Variants in LINGO1 observed in about 807,000 individuals in gnomAD.
LINGO1 encodes the protein leucine rich repeat and Ig domain containing 1.
In LINGO1, 11 loss-of-function variants were observed where a neutral mutation model predicts 37.3. The observed-to-expected ratio is 0.29, with a 90% CI of 0.19 to 0.49. The LOEUF is 0.49. Ranked by LOEUF, LINGO1 falls within the 20% of genes least tolerant of loss-of-function variation. LINGO1 has a pLI of 0.99. For missense variants in LINGO1, 585 were observed against 878.2 expected (o/e 0.67, Z 4.22); for synonymous variants, 387 against 403.0 (o/e 0.96, Z 0.48).
intron 2 of LINGO1, among the ~76,000 whole-genome samples, chr15:77,717,615 G>A (rs951001766): frequency 2.7e-5 from 4 of 150,856 alleles, no homozygotes; most frequent in African/African-American, 9.7e-5. Flanking sequence ...ATGGCAAGGA[G>A]AGGCAGACAG....
intron 1 of LINGO1, among the ~76,000 whole-genome samples, chr15:77,752,922 C>T (rs2076385948): frequency 6.6e-6 from 1 of 152,252 alleles, no homozygotes; most frequent in Non-Finnish European, 1.5e-5. Flanking sequence ...TTCCCCCTCC[C>T]TTCTGCCTCT....
At chr15:77,716,728 T>G (rs1252056824) in intron 2 of LINGO1, among the ~76,000 whole-genome samples, 1 of 150,242 alleles carries the variant, frequency 6.7e-6, no homozygotes, top group Non-Finnish European at 1.5e-5. Flanking sequence ...ACTGTCCACC[T>G]CCACTACCAA....
intron 1 of LINGO1, among the ~76,000 whole-genome samples, chr15:77,740,772 T>C (rs1049201544): frequency 4.6e-5 from 7 of 152,256 alleles, no homozygotes; most frequent in Admixed American, 3.3e-4. Context: ...AGAAAAGACC[T>C]GCAGAGGTGG....
chr15:77,654,929 C>G (rs983749866), intron 3 of LINGO1, among the ~76,000 whole-genome samples: 1 of 152,200 alleles, frequency 6.6e-6, no homozygotes, highest in Non-Finnish European at 1.5e-5. Context: ...ATGCTCCACG[C>G]CCCCGCCCTT....
intron 2 of LINGO1, among the ~76,000 whole-genome samples, chr15:77,677,440 A>C (rs1423556040): frequency 6.6e-6 from 1 of 152,030 alleles, no homozygotes; most frequent in Non-Finnish European, 1.5e-5. Context: ...CTAAGCCCCT[A>C]AACTTCTCAC....
upstream of LINGO1, among the ~76,000 whole-genome samples, chr15:77,697,731 G>C (rs1304885991): frequency 1.3e-5 from 2 of 152,196 alleles, no homozygotes; most frequent in African/African-American, 4.8e-5. Context: ...AGGGGCTGTG[G>C]AAACAGGGTA....
intron 1 of LINGO1, among the ~76,000 whole-genome samples, chr15:77,817,488 C>T (rs113673032): frequency 1.7e-4 from 26 of 152,148 alleles, no homozygotes; most frequent in Non-Finnish European, 2.6e-4. Flanking sequence ...TGGTAGTGAA[C>T]TCCCAGAGCT....
chr15:77,718,170 G>A lies in LINGO1; in HGVS notation c.-195+16822C>T, dbSNP rs142739101. 1.6e-3 allele frequency among the ~76,000 whole-genome samples: 247 copies of A among 150,952 alleles called. 3 individuals carry two copies. The highest frequency in any genetic ancestry group is 5.8e-3 in the African/African-American group (239 of 41,498). The stretch of plus-strand genomic sequence containing the variant: ...CACCTAGGGAGCCACCTTCTTCCAG[G>A]GCCCACGGAGGGGTCTTGCCGTGGC... On this transcript the variant is annotated intron_variant, in intron 2 of 3. Transcript: ENST00000561686.
At chr15:77,702,956 GAC>G (rs1479613026) in intron 2 of LINGO1, among the ~76,000 whole-genome samples, 23 of 152,312 alleles carry the variant, frequency 1.5e-4, no homozygotes, top group African/African-American at 4.8e-4. Flanking sequence ...TTCTTTCTGT[GAC>G]ACAGTCCGGC....
In LINGO1 at chr15:77,720,180, A is replaced by T. The variant is rs150064757; in HGVS notation, c.-195+14812T>A. ...CACTCCAATACCGATCCTGGCCCTG[A>T]CACCTCAGTCCCCCACATGTAATTT... On this transcript the variant is annotated intron_variant, in intron 2 of 3. Coordinates refer to the LINGO1 transcript ENST00000561686. 1.5e-3 allele frequency among the ~76,000 whole-genome samples: 208 copies of T among 134,658 alleles called. 5 individuals are homozygous for T. The highest frequency in any genetic ancestry group is 5.1e-3 in the African/African-American group (204 of 40,004). The allele number at this position is 134,658 out of a possible 152,430, so 88.3% of individuals were successfully genotyped here. A position where few individuals can be genotyped will look rare whatever the true frequency, so the allele number is the denominator to read the frequency against.
chr15:77,645,797 C>T (rs1383557762), intron 3 of LINGO1, among the ~76,000 whole-genome samples: 1 of 152,252 alleles, frequency 6.6e-6, no homozygotes, highest in Non-Finnish European at 1.5e-5. Flanking sequence ...TAAACAGGAG[C>T]AAAGCTCAAG....
intron 2 of LINGO1, among the ~76,000 whole-genome samples, chr15:77,727,610 T>A (rs1596161898): frequency 6.6e-6 from 1 of 152,128 alleles, no homozygotes; most frequent in African/African-American, 2.4e-5. Context: ...TGTTGTCCAG[T>A]GGATACAGAA....
intron 1 of LINGO1, among the ~76,000 whole-genome samples, chr15:77,745,639 G>A (rs1210081097): frequency 6.6e-6 from 1 of 152,142 alleles, no homozygotes; most frequent in Non-Finnish European, 1.5e-5. Flanking sequence ...CACATGCATT[G>A]GGACCCTGCT....
At chr15:77,763,650 A>C (rs1272672239) in intron 1 of LINGO1, among the ~76,000 whole-genome samples, 1 of 151,984 alleles carries the variant, frequency 6.6e-6, no homozygotes, top group African/African-American at 2.4e-5. Context: ...TGGCTTTAGG[A>C]ACTCTTACCT....
At chr15:77,709,715 G>C (rs1489304018) in intron 2 of LINGO1, among the ~76,000 whole-genome samples, 1 of 152,224 alleles carries the variant, frequency 6.6e-6, no homozygotes, top group Non-Finnish European at 1.5e-5. Context: ...CCACTGCTTT[G>C]ATGTGCCTGT....
rs1231761165 is a variant in LINGO1, at chr15:77,613,894, G to C, written c.*150C>G. Reference sequence around the variant, plus strand: ...AGGAGGGCAGGTGGTGAGGGCTGGCGGGGGGCAGCAGGGGACGGAGGCGGG... The same window carrying C: ...AGGAGGGCAGGTGGTGAGGGCTGGCCGGGGGCAGCAGGGGACGGAGGCGGG... On this transcript the variant is annotated 3_prime_UTR_variant, in exon 2 of 2. Coordinates refer to ENST00000355300, the MANE Select transcript of LINGO1 (RefSeq NM_032808.7). The C allele has an allele frequency of 2.8e-6, 2 of 704,586 alleles. No homozygotes were observed. Among genetic ancestry groups the C allele is most frequent in the Non-Finnish European group, 4.6e-6 (2 of 432,378 alleles). The allele number at this position is 704,586 out of a possible 1,614,324, so 43.6% of individuals were successfully genotyped here.
In LINGO1 at chr15:77,673,625, T is replaced by C. The variant is rs114974117; in HGVS notation, c.-13+3464A>G. ...CCTCAGCTCCCCACCCTCTAACTGA[T>C]GGAGGTCTGGGGGTTGGGACATTGG... On this transcript the variant is annotated intron_variant, in intron 3 of 3. Coordinates refer to the LINGO1 transcript ENST00000559893. 5.2e-3 allele frequency among the ~76,000 whole-genome samples: 789 copies of C among 152,346 alleles called. 7 individuals are homozygous for C. Among genetic ancestry groups the C allele is most frequent in the African/African-American group, 0.018 (760 of 41,582 alleles).
intron 1 of LINGO1, among the ~76,000 whole-genome samples, chr15:77,761,077 C>T (rs574825583): frequency 6.6e-6 from 1 of 151,386 alleles, no homozygotes; most frequent in South Asian, 2.1e-4. Context: ...CAGGTGCGTG[C>T]CACCATGCCT....
chr15:77,765,897 C>T (rs954952136), intron 1 of LINGO1, among the ~76,000 whole-genome samples: 4 of 152,102 alleles, frequency 2.6e-5, no homozygotes, highest in Non-Finnish European at 4.4e-5. Flanking sequence ...CAAGGGACAC[C>T]AGCCTTTAGC....
Sources: allele counts gnomAD v4.1 joint callset (sites outside exome capture counted in the v4.1 genomes callset), GRCh38; gene constraint gnomAD v4.1.1; transcripts MANE v1.5; gene names NCBI Gene and HGNC (gene_info 2026-07-23, HGNC 2026-07-21).